Variants in RNASE10 observed in about 807,000 individuals in gnomAD.
RNASE10 encodes inactive ribonuclease-like protein 10.
In RNASE10, 2 loss-of-function variants were observed where a neutral mutation model predicts 1.1. The ratio of observed to expected loss-of-function variants is 1.82; its 90% confidence interval spans 0.74 to 5.73. The LOEUF is 5.73. RNASE10 is among the 30% of genes most tolerant of loss of function. The pLI is 0.05. For synonymous variants in RNASE10, 97 were observed against 96.2 expected, an observed-to-expected ratio of 1.01 and a Z score of -0.05; for missense variants, 276 against 263.4, an observed-to-expected ratio of 1.05 and a Z score of -0.33.
chr14:20,510,558 G>C (rs746309211), exon 2 of RNASE10: 1 of 1,614,178 alleles, frequency 6.2e-7, no homozygotes, highest in Non-Finnish European at 8.5e-7. Context: ...GACTTCATAT[G>C]GCTACAGCAG....
intron 1 of RNASE10, among the ~76,000 whole-genome samples, chr14:20,506,534 T>G (rs1594439641): frequency 2.1e-5 from 2 of 96,402 alleles, no homozygotes; most frequent in East Asian, 2.9e-4. Context: ...ATCCAGGAGG[T>G]GAGGGGCGCC....
At chr14:20,509,945 A>G (rs186664511) in intron 1 of RNASE10, among the ~76,000 whole-genome samples, 28 of 97,464 alleles carry the variant, frequency 2.9e-4, no homozygotes, top group African/African-American at 1.0e-3. Context: ...ACATAGCGAG[A>G]CTCGTCTCAA....
intron 1 of RNASE10, among the ~76,000 whole-genome samples, chr14:20,509,326 G>A (rs1275694495): frequency 6.6e-6 from 1 of 152,246 alleles, no homozygotes; most frequent in Non-Finnish European, 1.5e-5. Context: ...GGGATTATAG[G>A]CAGAAGCCAC....
chr14:20,504,613 G>A (rs1240550177), upstream of RNASE10, among the ~76,000 whole-genome samples: 1 of 145,630 alleles, frequency 6.9e-6, no homozygotes, highest in Admixed American at 7.0e-5. Flanking sequence ...GCGTGAACCT[G>A]GGAGGCGGAG....
intron 1 of RNASE10, 116 bp from the exon 2 acceptor site, chr14:20,510,351 C>T: frequency 6.9e-7 from 1 of 1,454,566 alleles, no homozygotes; most frequent in South Asian, 1.4e-5. Context: ...GAGTAATGTG[C>T]AGAAGACACA....
intron 1 of RNASE10, 185 bp from the exon 2 acceptor site, chr14:20,510,282 G>A (rs554927449): frequency 2.7e-6 from 1 of 369,472 alleles, no homozygotes; most frequent in Non-Finnish European, 3.7e-6. Flanking sequence ...CAGGGAATGT[G>A]GTAGGGAGGA....
upstream of RNASE10, among the ~76,000 whole-genome samples, chr14:20,504,315 G>A (rs1882633183): frequency 6.6e-6 from 1 of 152,190 alleles, no homozygotes; most frequent in South Asian, 2.1e-4. Context: ...GGAACGAGAG[G>A]ACACAAGAAT....
chr14:20,506,462 G>C (rs1882722524), intron 1 of RNASE10, among the ~76,000 whole-genome samples: 1 of 131,648 alleles, frequency 7.6e-6, no homozygotes, highest in Non-Finnish European at 1.7e-5. Flanking sequence ...CCCCTGCCCG[G>C]CCAGCCGCCC....
At chr14:20,512,635 G>A (rs1017775833), downstream of RNASE10, among the ~76,000 whole-genome samples, 5 of 152,100 alleles carry the variant, frequency 3.3e-5, no homozygotes, top group South Asian at 2.1e-4. Flanking sequence ...CCTCCTAGAC[G>A]TCCCTGATTC....
chr14:20,512,229 AAG>A, downstream of RNASE10, among the ~76,000 whole-genome samples: 1 of 152,330 alleles, frequency 6.6e-6, no homozygotes, highest in Non-Finnish European at 1.5e-5. Context: ...AAGTTAGTGA[AAG>A]AATAATTTCA....
chr14:20,507,044 C>T (rs1257652511), intron 1 of RNASE10, among the ~76,000 whole-genome samples: 3 of 150,316 alleles, frequency 2.0e-5, no homozygotes, highest in Non-Finnish European at 3.0e-5. Flanking sequence ...TGAGGGGCGC[C>T]TCTGCCCGGC....
At chr14:20,506,938 G>T (rs1301033333) in intron 1 of RNASE10, among the ~76,000 whole-genome samples, 1 of 140,362 alleles carries the variant, frequency 7.1e-6, no homozygotes, top group African/African-American at 2.8e-5. Flanking sequence ...CGGGAGGGGG[G>T]AGGGGGGGTC....
chr14:20,511,945 G>A (rs1426781592), downstream of RNASE10, among the ~76,000 whole-genome samples: 1 of 151,938 alleles, frequency 6.6e-6, no homozygotes, highest in East Asian at 1.9e-4. Context: ...GATCACTTAT[G>A]CTATGTTGGT....
chr14:20,511,307 G>C (rs1882895757), downstream of RNASE10: 2 of 470,310 alleles, frequency 4.3e-6, no homozygotes, highest in Non-Finnish European at 7.3e-6. Context: ...ATGATGCCTA[G>C]TTTCTCTAAG....
intron 1 of RNASE10, among the ~76,000 whole-genome samples, chr14:20,508,303 A>G (rs558533701): frequency 6.6e-6 from 1 of 152,350 alleles, no homozygotes; most frequent in South Asian, 2.1e-4. Flanking sequence ...ACCCATGGTC[A>G]ACGACGGTCT....
At chr14:20,512,348 A>C (rs763081623), downstream of RNASE10, among the ~76,000 whole-genome samples, 106 of 152,318 alleles carry the variant, frequency 7.0e-4, no homozygotes, top group Non-Finnish European at 1.2e-3. Context: ...TTCAAATGAG[A>C]AATAGTGTAG....
At chr14:20,505,269 TCC>T (rs1300662935), upstream of RNASE10, among the ~76,000 whole-genome samples, 800 of 10,624 alleles carry the variant, frequency 0.075, 1 homozygote, top group Non-Finnish European at 0.11. Context: ...TTGCTCCCTC[TCC>T]CTCTCCCTCT....
intron 1 of RNASE10, among the ~76,000 whole-genome samples, 182 bp downstream of exon 1, chr14:20,506,201 C>G (rs1281784562): frequency 8.0e-5 from 11 of 136,894 alleles, no homozygotes; most frequent in Non-Finnish European, 9.8e-5. Context: ...GTCAGCCCCC[C>G]GCCCGGCCAG....
chr14:20,512,143 T>C (rs1415309511), downstream of RNASE10, among the ~76,000 whole-genome samples: 2 of 152,176 alleles, frequency 1.3e-5, no homozygotes, highest in Non-Finnish European at 2.9e-5. Flanking sequence ...GCCCAGTAGA[T>C]GTGGGATGAA....
Sources: gnomAD v4.1 joint callset for allele counts (sites outside exome capture counted in the v4.1 genomes callset) on GRCh38, gnomAD v4.1.1 for gene constraint, MANE v1.5 for transcripts, NCBI Gene and HGNC (gene_info 2026-07-23, HGNC 2026-07-21) for gene names.